PDE4D: variants seen among roughly 807,000 people sequenced by gnomAD.
PDE4D encodes the protein phosphodiesterase 4D.
Under a neutral mutation model 87.4 loss-of-function variants are expected in PDE4D, and 24 were observed. That is an observed-to-expected ratio of 0.27 (90% CI 0.20 to 0.39). The LOEUF (loss-of-function observed/expected upper bound fraction) is 0.39, where lower values mean the gene tolerates loss of function less well. Among genes scored for constraint, PDE4D ranks in the 10% least tolerant of loss-of-function variants. The probability of loss-of-function intolerance (pLI) is 1.00; values close to 1 mark genes in which losing one functional copy is unlikely to be tolerated. For missense variants in PDE4D, 714 were observed against 1,041.0 expected (o/e 0.69, Z 4.32); for synonymous variants, 384 against 383.2 (o/e 1.00, Z -0.02).
chr5:60,211,209 G>A (rs1743175063), intron 1 of PDE4D, among the ~76,000 whole-genome samples: 1 of 152,134 alleles, frequency 6.6e-6, no homozygotes, highest in African/African-American at 2.4e-5. Context: ...TCTGCACCCA[G>A]GGACCCTCAC....
chr5:59,668,860 AG>A (rs1746630782), intron 1 of PDE4D, among the ~76,000 whole-genome samples: 1 of 67,720 alleles, frequency 1.5e-5, no homozygotes, highest in African/African-American at 6.6e-5. Context: ...AAGAAGAAGA[AG>A]AAGAAGAAGA....
intron 1 of PDE4D, among the ~76,000 whole-genome samples, chr5:59,304,581 T>C (rs1770920107): frequency 6.6e-6 from 1 of 152,088 alleles, no homozygotes; most frequent in Admixed American, 6.6e-5. Flanking sequence ...TGTATGCTGA[T>C]TTTGCTGAGA....
intron 1 of PDE4D, among the ~76,000 whole-genome samples, chr5:59,320,259 A>G (rs10079396): frequency 0.066 from 10,089 of 152,212 alleles, 460 homozygotes; most frequent in South Asian, 0.12. Flanking sequence ...CACTAGCCAG[A>G]CAGCCTAAAT....
At chr5:59,271,968 C>G (rs1763918449) in intron 1 of PDE4D, among the ~76,000 whole-genome samples, 1 of 151,440 alleles carries the variant, frequency 6.6e-6, no homozygotes, top group African/African-American at 2.4e-5. Context: ...ACAGAGTCTT[C>G]CAGAATTTTT....
chr5:60,449,071 GCACACACACACACA>G (rs35440197), intron 1 of PDE4D, among the ~76,000 whole-genome samples: 2 of 95,062 alleles, frequency 2.1e-5, no homozygotes, highest in African/African-American at 7.3e-5. Context: ...AACTGCCCGC[GCACACACACACACA>G]CACACACACA....
intron 3 of PDE4D, among the ~76,000 whole-genome samples, chr5:59,903,203 T>A (rs1433361975): frequency 1.3e-5 from 2 of 152,138 alleles, no homozygotes; most frequent in Admixed American, 1.3e-4. Context: ...ATATTCCTTA[T>A]CATCTAACAT....
At chr5:60,474,928 G>T (rs1748190593) in intron 1 of PDE4D, among the ~76,000 whole-genome samples, 1 of 152,144 alleles carries the variant, frequency 6.6e-6, no homozygotes, top group Non-Finnish European at 1.5e-5. Context: ...AGCTGCTCTA[G>T]CTGCAGGTTA....
chr5:59,476,809 T>A (rs1408180605), intron 1 of PDE4D, among the ~76,000 whole-genome samples: 1 of 152,066 alleles, frequency 6.6e-6, no homozygotes, highest in East Asian at 1.9e-4. Context: ...TTTCTATCTA[T>A]CCAAAAATTA....
At chr5:59,286,103 G>A (rs1766901679) in intron 1 of PDE4D, among the ~76,000 whole-genome samples, 1 of 152,118 alleles carries the variant, frequency 6.6e-6, no homozygotes, top group Admixed American at 6.5e-5. Context: ...CTGGATGAGA[G>A]GACCGAAGGG....
intron 1 of PDE4D, among the ~76,000 whole-genome samples, chr5:60,206,611 A>G (rs1314389832): frequency 1.3e-5 from 2 of 152,256 alleles, no homozygotes; most frequent in African/African-American, 4.8e-5. Context: ...AAAATCTTCC[A>G]GTGACTTTCT....
chr5:60,481,078 A>G (rs565192061), intron 1 of PDE4D, among the ~76,000 whole-genome samples: 4 of 152,282 alleles, frequency 2.6e-5, no homozygotes, highest in South Asian at 4.1e-4. Context: ...ATGAAGATTA[A>G]AACAGTTTCT....
At chr5:59,315,155 C>A (rs984067258) in intron 1 of PDE4D, among the ~76,000 whole-genome samples, 4 of 152,146 alleles carry the variant, frequency 2.6e-5, no homozygotes, top group Non-Finnish European at 4.4e-5. Context: ...ATTCCCCTCA[C>A]CCTTCCACGT....
intron 1 of PDE4D, among the ~76,000 whole-genome samples, chr5:60,199,986 A>G (rs1741721731): frequency 6.6e-6 from 1 of 151,658 alleles, no homozygotes; most frequent in Non-Finnish European, 1.5e-5. Context: ...GATACTTCAA[A>G]GTGGAGGCAG....
intron 1 of PDE4D, among the ~76,000 whole-genome samples, chr5:59,229,266 C>T (rs200337790): frequency 6.6e-6 from 1 of 152,022 alleles, no homozygotes; most frequent in Non-Finnish European, 1.5e-5. Flanking sequence ...TTAGACGCAG[C>T]GGTACTTTTT....
intron 3 of PDE4D, among the ~76,000 whole-genome samples, chr5:59,983,817 G>A (rs1285908715): frequency 2.0e-5 from 3 of 152,080 alleles, no homozygotes; most frequent in African/African-American, 7.2e-5. Context: ...ATAAATATTT[G>A]CCTCCTTATG....
chr5:59,139,618 T>A (rs1333253863), intron 5 of PDE4D, among the ~76,000 whole-genome samples: 1 of 151,972 alleles, frequency 6.6e-6, no homozygotes, highest in Non-Finnish European at 1.5e-5. Flanking sequence ...TACTGGAACC[T>A]ACTGCCATGC....
intron 2 of PDE4D, among the ~76,000 whole-genome samples, chr5:60,138,100 T>C (rs1780207159): frequency 6.6e-6 from 1 of 152,166 alleles, no homozygotes; most frequent in Non-Finnish European, 1.5e-5. Context: ...GTTGTGGGTA[T>C]GCAGTCTTGT....
At chr5:59,666,588 C>T (rs1284184495) in intron 1 of PDE4D, among the ~76,000 whole-genome samples, 8 of 152,204 alleles carry the variant, frequency 5.3e-5, no homozygotes, top group African/African-American at 1.9e-4. Flanking sequence ...CCATACAGTT[C>T]CGTCACTGCA....
At chr5:59,834,724 C>T (rs1425069888) in intron 1 of PDE4D, among the ~76,000 whole-genome samples, 5 of 152,070 alleles carry the variant, frequency 3.3e-5, no homozygotes, top group African/African-American at 1.2e-4. Flanking sequence ...CATTTCTGAA[C>T]TGTAAATACA....
Sources: gnomAD v4.1 joint callset for allele counts (sites outside exome capture counted in the v4.1 genomes callset) on GRCh38, gnomAD v4.1.1 for gene constraint, MANE v1.5 for transcripts, NCBI Gene and HGNC (gene_info 2026-07-23, HGNC 2026-07-21) for gene names.